AFF3: variants seen among roughly 807,000 people sequenced by gnomAD.
AFF3 encodes the protein ALF transcription elongation factor 3, also known as AF4/FMR2 family member 3.
A neutral mutation model predicts 129.7 loss-of-function variants in AFF3; 32 were observed. The observed-to-expected ratio is 0.25, with a 90% confidence interval of 0.19 to 0.33. AFF3 has a LOEUF of 0.33. Ranked by LOEUF, AFF3 falls within the 10% of genes least tolerant of loss-of-function variation. AFF3 has a pLI of 1.00. For missense variants in AFF3, 1,373 were observed against 1,592.0 expected, an observed-to-expected ratio of 0.86 and a Z score of 2.34; for synonymous variants, 644 against 635.4, an observed-to-expected ratio of 1.01 and a Z score of -0.20.
At chr2:99,661,012 C>T (rs924331988) in intron 12 of AFF3, among the ~76,000 whole-genome samples, 1 of 152,202 alleles carries the variant, frequency 6.6e-6, no homozygotes, top group African/African-American at 2.4e-5. Flanking sequence ...AACTGTATAT[C>T]TGGACCAAAC....
At chr2:100,020,526 T>A (rs907325349) in intron 4 of AFF3, among the ~76,000 whole-genome samples, 1 of 152,072 alleles carries the variant, frequency 6.6e-6, no homozygotes, top group African/African-American at 2.4e-5. Context: ...AGCCTGCATG[T>A]CCAGACTTAG....
chr2:100,110,868 C>T (rs1691489477), intron 2 of AFF3, among the ~76,000 whole-genome samples: 1 of 152,226 alleles, frequency 6.6e-6, no homozygotes, highest in Non-Finnish European at 1.5e-5. Flanking sequence ...TCTAGTCTCT[C>T]TTATTGCAAG....
intron 13 of AFF3, among the ~76,000 whole-genome samples, chr2:99,626,071 T>C (rs2105344052): frequency 6.6e-6 from 1 of 152,292 alleles, no homozygotes; most frequent in Admixed American, 6.5e-5. Context: ...GCTAGCTGAG[T>C]GCCACCCATC....
chr2:99,954,507 A>C (rs943170716), intron 7 of AFF3, among the ~76,000 whole-genome samples: 5 of 152,120 alleles, frequency 3.3e-5, no homozygotes, highest in African/African-American at 1.2e-4. Context: ...AAAGACTTGG[A>C]AACAACCCAA....
chr2:100,003,524 AAT>A (rs1389108523), intron 7 of AFF3, among the ~76,000 whole-genome samples: 1 of 152,222 alleles, frequency 6.6e-6, no homozygotes, highest in African/African-American at 2.4e-5. Context: ...CAACAACAAA[AAT>A]ATGTTTTTCA....
At chr2:99,612,102 C>T (rs999671754) in intron 13 of AFF3, among the ~76,000 whole-genome samples, 4 of 152,148 alleles carry the variant, frequency 2.6e-5, no homozygotes, top group African/African-American at 7.2e-5. Flanking sequence ...GCCTTCTCCC[C>T]GCCTTTCAGC....
rs563397898 is a variant in AFF3 at position 99,691,498 on chromosome 2, G to A, written c.1092-18909C>T. Among the ~76,000 whole-genome samples, 16 of 152,196 alleles carry A rather than the reference G, an allele frequency of 1.1e-4. No homozygotes were observed. In the East Asian group the frequency reaches 2.7e-3, roughly 26 times the overall value. On this transcript the variant is annotated intron_variant, in intron 11 of 24. Coordinates refer to ENST00000672756, the MANE Select transcript of AFF3 (RefSeq NM_001386135.1). ...CTTCACTTGAGGCCACAAAGGACTC[G>A]CACTATTAATGAGCTTGTGCACCAG... is the stretch of plus-strand genomic sequence containing the variant.
intron 8 of AFF3, among the ~76,000 whole-genome samples, chr2:99,788,342 A>G (rs76092844): frequency 0.1 from 15,285 of 152,002 alleles, 2,389 homozygotes; most frequent in African/African-American, 0.33. Flanking sequence ...GCATGTTACC[A>G]CCCCTGAAGA....
chr2:99,956,550 T>C (rs1178620026), intron 7 of AFF3, among the ~76,000 whole-genome samples: 1 of 152,196 alleles, frequency 6.6e-6, no homozygotes, highest in Non-Finnish European at 1.5e-5. Context: ...TGATTTTAAA[T>C]GACTAAAAAT....
At chr2:99,674,530 C>T (rs1575663197) in intron 11 of AFF3, among the ~76,000 whole-genome samples, 2 of 152,136 alleles carry the variant, frequency 1.3e-5, no homozygotes, top group Admixed American at 6.5e-5. Context: ...CTCCCATGCC[C>T]TCTTTTGGGT....
At chr2:100,034,267 C>T (rs1307148781) in intron 4 of AFF3, among the ~76,000 whole-genome samples, 2 of 152,084 alleles carry the variant, frequency 1.3e-5, no homozygotes, top group South Asian at 2.1e-4. Flanking sequence ...TTTATTGCAA[C>T]ACATAAAAGT....
chr2:99,577,827 A>G (rs1181974984), intron 18 of AFF3, among the ~76,000 whole-genome samples: 1 of 152,196 alleles, frequency 6.6e-6, no homozygotes, highest in African/African-American at 2.4e-5. Flanking sequence ...ACTTGTGTGA[A>G]ACTGAAAGTG....
At chr2:99,926,660 TG>T (rs1160938171) in intron 7 of AFF3, among the ~76,000 whole-genome samples, 13 of 151,286 alleles carry the variant, frequency 8.6e-5, no homozygotes, top group Non-Finnish European at 1.8e-4. Context: ...ACAAGCAAAG[TG>T]CTTCAGAAGC....
chr2:100,078,734 G>A (rs552281736), intron 4 of AFF3, among the ~76,000 whole-genome samples: 1 of 152,060 alleles, frequency 6.6e-6, no homozygotes, highest in South Asian at 2.1e-4. Flanking sequence ...AGGACCCCTG[G>A]GGATACCAAA....
At chr2:99,631,947 C>T (rs1257030991) in intron 13 of AFF3, among the ~76,000 whole-genome samples, 2 of 151,090 alleles carry the variant, frequency 1.3e-5, no homozygotes, top group African/African-American at 2.4e-5. Flanking sequence ...ACGGTGTCTG[C>T]ACCATTTTAG....
intron 11 of AFF3, among the ~76,000 whole-genome samples, chr2:99,722,473 G>T (rs1342230530): frequency 6.6e-6 from 1 of 152,118 alleles, no homozygotes; most frequent in Non-Finnish European, 1.5e-5. Context: ...GATCTGTTTC[G>T]GTTTTGCCCT....
chr2:100,023,029 T>C (rs1372389583), intron 4 of AFF3, among the ~76,000 whole-genome samples: 2 of 152,232 alleles, frequency 1.3e-5, no homozygotes, highest in African/African-American at 4.8e-5. Flanking sequence ...TGGGCCTCCA[T>C]CTGGGTTTCC....
intron 4 of AFF3, among the ~76,000 whole-genome samples, chr2:100,082,710 G>C (rs1351584233): frequency 2.0e-5 from 3 of 152,088 alleles, no homozygotes; most frequent in Admixed American, 2.0e-4. Context: ...TTTTGTCATG[G>C]AGTAGTGACC....
chr2:99,635,941 G>A (rs1047861828), intron 13 of AFF3, among the ~76,000 whole-genome samples: 8 of 152,204 alleles, frequency 5.3e-5, no homozygotes, highest in African/African-American at 9.7e-5. Context: ...AGGACCACAT[G>A]CCTTTGCCAG....
Sources: gnomAD v4.1 joint callset for allele counts (sites outside exome capture counted in the v4.1 genomes callset) on GRCh38, gnomAD v4.1.1 for gene constraint, MANE v1.5 for transcripts, NCBI Gene and HGNC (gene_info 2026-07-23, HGNC 2026-07-21) for gene names.